SHANK2: variants seen among roughly 807,000 people sequenced by gnomAD.
The protein encoded by SHANK2 is SH3 and multiple ankyrin repeat domains protein 2.
SHANK2 carries 43 observed loss-of-function variants against 133.7 expected under a neutral mutation model. The ratio of observed to expected loss-of-function variants is 0.32; its 90% confidence interval spans 0.25 to 0.41. The LOEUF (loss-of-function observed/expected upper bound fraction) is 0.41, where lower values mean the gene tolerates loss of function less well. Among genes scored for constraint, SHANK2 ranks in the 10% least tolerant of loss-of-function variants. SHANK2 has a pLI of 1.00. For missense variants in SHANK2, 1,994 were observed against 2,235.8 expected, an observed-to-expected ratio of 0.89 and a Z score of 2.18; for synonymous variants, 1,017 against 952.8, an observed-to-expected ratio of 1.07 and a Z score of -1.24.
chr11:71,192,473 C>T (rs1009495505), intron 2 of SHANK2, among the ~76,000 whole-genome samples: 1 of 152,222 alleles, frequency 6.6e-6, no homozygotes, highest in Admixed American at 6.5e-5. Flanking sequence ...GTACCTCAGT[C>T]ACTGCCTGGA....
At chr11:70,899,322 C>T (rs1208398089) in intron 10 of SHANK2, among the ~76,000 whole-genome samples, 4 of 152,196 alleles carry the variant, frequency 2.6e-5, no homozygotes, top group Admixed American at 1.3e-4. Flanking sequence ...CCTGCTGACA[C>T]TCATTCTCTC....
At chr11:71,242,310 G>A (rs1413894123) in intron 1 of SHANK2, among the ~76,000 whole-genome samples, 1 of 152,184 alleles carries the variant, frequency 6.6e-6, no homozygotes, top group Non-Finnish European at 1.5e-5. Context: ...ACATGGTGAC[G>A]ATGGCTGCAG....
intron 17 of SHANK2, among the ~76,000 whole-genome samples, chr11:70,573,983 C>T (rs1055661855): frequency 2.1e-4 from 32 of 152,298 alleles, no homozygotes; most frequent in African/African-American, 7.7e-4. Flanking sequence ...CCACCAAGAC[C>T]CATGCACCTG....
chr11:70,884,788 T>A (rs1287106982), intron 11 of SHANK2, among the ~76,000 whole-genome samples: 1 of 152,218 alleles, frequency 6.6e-6, no homozygotes, highest in Non-Finnish European at 1.5e-5. Flanking sequence ...TGGCGCGATT[T>A]CGGCTCACTG....
At chr11:71,095,485 A>G (rs1555095201) in intron 6 of SHANK2, among the ~76,000 whole-genome samples, 1 of 152,218 alleles carries the variant, frequency 6.6e-6, no homozygotes, top group Non-Finnish European at 1.5e-5. Flanking sequence ...GAGGCTCTTA[A>G]CGTTCCAGAA....
At chr11:70,849,127 G>A (rs1315824616) in intron 11 of SHANK2, among the ~76,000 whole-genome samples, 2 of 152,100 alleles carry the variant, frequency 1.3e-5, no homozygotes, top group African/African-American at 2.4e-5. Context: ...TCCCCACCAG[G>A]ACACAAGGCA....
intron 8 of SHANK2, among the ~76,000 whole-genome samples, chr11:71,085,574 ATT>A (rs1308930917): frequency 3.2e-5 from 2 of 62,990 alleles, no homozygotes; most frequent in African/African-American, 1.3e-4. Context: ...TAAAATATAT[ATT>A]ATATAATATA....
intron 14 of SHANK2, among the ~76,000 whole-genome samples, chr11:70,756,341 G>A (rs1172186833): frequency 2.0e-5 from 3 of 152,186 alleles, no homozygotes; most frequent in African/African-American, 7.2e-5. Flanking sequence ...CTGAAACAGG[G>A]ATAATAAGGG....
intron 14 of SHANK2, among the ~76,000 whole-genome samples, chr11:70,768,011 G>A (rs1267250541): frequency 6.6e-6 from 1 of 152,064 alleles, no homozygotes; most frequent in Non-Finnish European, 1.5e-5. Flanking sequence ...CAGGGTGCTA[G>A]AAACAACACC....
intron 17 of SHANK2, among the ~76,000 whole-genome samples, chr11:70,547,028 C>T (rs906061095): frequency 1.3e-5 from 2 of 152,130 alleles, no homozygotes; most frequent in Non-Finnish European, 2.9e-5. Flanking sequence ...TGTCTGCTCA[C>T]CCCAGCCTGC....
At chr11:71,232,022 T>C (rs1273530416) in intron 1 of SHANK2, among the ~76,000 whole-genome samples, 1 of 151,920 alleles carries the variant, frequency 6.6e-6, no homozygotes. Flanking sequence ...ATCCACACCA[T>C]GGAACATTAC....
rs115592334 is a variant in SHANK2 at position 70,841,848 on chromosome 11, C to T, written c.1175-21166G>A. Among the ~76,000 whole-genome samples, 771 of 152,294 alleles carry T rather than the reference C, an allele frequency of 5.1e-3. 5 individuals carry two copies. Among genetic ancestry groups the T allele is most frequent in the African/African-American group, 0.017 (717 of 41,552 alleles). Reference sequence around the variant, plus strand: ...GGCCTCAACCCCAACCCTGACTGTGCGTGTCTGCTCGTCAGCTCCCAAATC... The same window carrying T: ...GGCCTCAACCCCAACCCTGACTGTGTGTGTCTGCTCGTCAGCTCCCAAATC... On this transcript the variant is annotated intron_variant, in intron 11 of 25. Transcript: ENST00000601538.
chr11:70,842,966 G>A (rs936750524), intron 11 of SHANK2, among the ~76,000 whole-genome samples: 1 of 152,188 alleles, frequency 6.6e-6, no homozygotes. Context: ...CTACCCTGAC[G>A]CAGTGTCATA....
At chr11:70,943,921 T>TG (rs1190540999) in intron 10 of SHANK2, 1 of 456,550 alleles carries the variant, frequency 2.2e-6, no homozygotes, top group East Asian at 6.9e-5. Flanking sequence ...CGTCTTGATT[T>TG]CCTTCTGTTT....
chr11:71,246,484 A>C, intron 1 of SHANK2, among the ~76,000 whole-genome samples: 1 of 152,172 alleles, frequency 6.6e-6, no homozygotes, highest in Non-Finnish European at 1.5e-5. Flanking sequence ...CGTAAGTATC[A>C]TCACTGTCCC....
At chr11:71,238,618 C>T (rs567343478) in intron 1 of SHANK2, among the ~76,000 whole-genome samples, 2 of 152,310 alleles carry the variant, frequency 1.3e-5, no homozygotes, top group African/African-American at 4.8e-5. Flanking sequence ...CCCCTCCTGG[C>T]CAGTGCTATG....
chr11:71,142,265 C>T (rs1437832963), intron 3 of SHANK2, among the ~76,000 whole-genome samples: 9 of 152,192 alleles, frequency 5.9e-5, no homozygotes, highest in African/African-American at 1.9e-4. Context: ...CTTTGGGAGG[C>T]CGAGACGGGC....
At chr11:70,925,910 T>C (rs1407898703) in intron 10 of SHANK2, among the ~76,000 whole-genome samples, 1 of 152,176 alleles carries the variant, frequency 6.6e-6, no homozygotes, top group African/African-American at 2.4e-5. Flanking sequence ...CATCAACCCA[T>C]CAATACATAA....
intron 11 of SHANK2, among the ~76,000 whole-genome samples, chr11:70,822,141 G>T (rs1197587254): frequency 6.6e-6 from 1 of 152,244 alleles, no homozygotes; most frequent in Non-Finnish European, 1.5e-5. Context: ...TCACTGGGGG[G>T]CCAAAGGCAC....
Sources: allele counts gnomAD v4.1 joint callset (sites outside exome capture counted in the v4.1 genomes callset), GRCh38; gene constraint gnomAD v4.1.1; transcripts MANE v1.5; gene names NCBI Gene and HGNC (gene_info 2026-07-23, HGNC 2026-07-21).